Variants in RASA1 observed in about 807,000 individuals in gnomAD.
RASA1 encodes RAS p21 protein activator 1, also known as ras GTPase-activating protein 1.
A neutral mutation model predicts 132.2 loss-of-function variants in RASA1; 25 were observed. The observed-to-expected ratio is 0.19, with a 90% CI of 0.14 to 0.26. The LOEUF (loss-of-function observed/expected upper bound fraction) is 0.26, where lower values mean the gene tolerates loss of function less well. Ranked by LOEUF, RASA1 falls within the 10% of genes least tolerant of loss-of-function variation. The probability of loss-of-function intolerance (pLI) is 1.00; values close to 1 mark genes in which losing one functional copy is unlikely to be tolerated. For synonymous variants in RASA1, 477 were observed against 449.9 expected, an observed-to-expected ratio of 1.06 and a Z score of -0.76; for missense variants, 964 against 1,299.2, an observed-to-expected ratio of 0.74 and a Z score of 3.97.
chr5:87,366,332 A>G (rs1156395534), intron 11 of RASA1: 1 of 402,596 alleles, frequency 2.5e-6, no homozygotes, highest in Non-Finnish European at 5.1e-6. Flanking sequence ...CATTATTTTG[A>G]TATAGTTTAT....
chr5:87,290,813 T>C (rs1754881819), intron 1 of RASA1, among the ~76,000 whole-genome samples: 1 of 152,178 alleles, frequency 6.6e-6, no homozygotes, highest in South Asian at 2.1e-4. Context: ...CTTTCCATGG[T>C]TTGATAGCTA....
chr5:87,391,687 G>A lies in RASA1; in HGVS notation c.*804G>A. On this transcript the variant is annotated 3_prime_UTR_variant, in exon 25 of 25. Transcript: ENST00000274376. ...TTTATAGACTACCAATTTCTTTTATGTTAACTAGAATGCTTTTGTTAAAAG... is the reference window on the plus strand; with the variant it reads ...TTTATAGACTACCAATTTCTTTTATATTAACTAGAATGCTTTTGTTAAAAG... The A allele has an allele frequency of 4.3e-6, 1 of 232,714 alleles. No homozygotes were observed. The allele number at this position is 232,714 out of a possible 1,614,324, so 14.4% of individuals were successfully genotyped here.
chr5:87,319,877 A>G (rs978748356), intron 1 of RASA1, among the ~76,000 whole-genome samples: 1 of 152,206 alleles, frequency 6.6e-6, no homozygotes, highest in Admixed American at 6.5e-5. Context: ...CCAAACTTTT[A>G]TGTTCTGCTT....
chr5:87,320,091 A>G (rs1026498818), intron 1 of RASA1, among the ~76,000 whole-genome samples: 1 of 152,178 alleles, frequency 6.6e-6, no homozygotes, highest in African/African-American at 2.4e-5. Context: ...AAATCATAGC[A>G]AGAGTGACCG....
At chr5:87,372,622 A>G (rs900304381) in intron 13 of RASA1, among the ~76,000 whole-genome samples, 1 of 152,156 alleles carries the variant, frequency 6.6e-6, no homozygotes, top group African/African-American at 2.4e-5. Flanking sequence ...GAAATATTTA[A>G]TCTTATTTGA....
chr5:87,341,154 C>A, intron 5 of RASA1, 136 bp from the exon 6 acceptor site: 1 of 491,480 alleles, frequency 2.0e-6, no homozygotes, highest in Non-Finnish European at 3.2e-6. Flanking sequence ...ATTTACTGAA[C>A]AGAAACATCT....
chr5:87,306,804 TC>T (rs1755634053), intron 1 of RASA1, among the ~76,000 whole-genome samples: 1 of 152,156 alleles, frequency 6.6e-6, no homozygotes, highest in African/African-American at 2.4e-5. Context: ...TTGCTTTTGT[TC>T]TATTCTCTAT....
chr5:87,360,128 T>TG (rs1282616046), intron 9 of RASA1, among the ~76,000 whole-genome samples: 2 of 151,454 alleles, frequency 1.3e-5, no homozygotes, highest in Non-Finnish European at 2.9e-5. Flanking sequence ...AATGCAGTTT[T>TG]TTTTTTTTTT....
chr5:87,348,800 GCA>G (rs143360662), intron 7 of RASA1, among the ~76,000 whole-genome samples: 1,793 of 151,920 alleles, frequency 0.012, 27 homozygotes, highest in African/African-American at 0.041. Flanking sequence ...CATTGATTAA[GCA>G]CAGAGTATTC....
At position 87,287,650 on chromosome 5, in the gene RASA1, A is replaced by G. The variant is rs574732690; in HGVS notation, c.539+18660A>G. On this transcript the variant is annotated intron_variant, in intron 1 of 24. Transcript: ENST00000274376. Reference sequence around the variant, plus strand: ...TACACGCCATAGATATACCATATATATACACGCCATAGATATACACCATAT... The same window carrying G: ...TACACGCCATAGATATACCATATATGTACACGCCATAGATATACACCATAT... Among the ~76,000 whole-genome samples the G allele has an allele frequency of 8.7e-5, 13 of 148,752 alleles. No homozygotes were observed. In the East Asian group the frequency reaches 2.2e-3, roughly 25 times the overall value.
intron 9 of RASA1, among the ~76,000 whole-genome samples, chr5:87,356,787 C>T (rs1282355505): frequency 1.3e-5 from 2 of 152,186 alleles, no homozygotes; most frequent in East Asian, 1.9e-4. Context: ...TATACGTGCA[C>T]TGCGAAACCA....
chr5:87,366,833 ACCAG>A (rs762609475), intron 11 of RASA1, among the ~76,000 whole-genome samples: 27 of 152,138 alleles, frequency 1.8e-4, no homozygotes, highest in Non-Finnish European at 3.7e-4. Context: ...GGGGTTGGAG[ACCAG>A]CCTGGGCCTA....
rs113516676 is a variant in RASA1 at position 87,295,822 on chromosome 5, G to GTT, written c.539+26843_539+26844dup. Reference sequence around the variant, plus strand: ...CCACCACGCCTGTCCTCTAGTTTTGGTTTTTTTTTTTTGAGATGGAGTCTT... The same window carrying GTT: ...CCACCACGCCTGTCCTCTAGTTTTGGTTTTTTTTTTTTTTGAGATGGAGTCTT... On this transcript the variant is annotated intron_variant, in intron 1 of 24. Transcript: ENST00000274376. Among the ~76,000 whole-genome samples the GTT allele has an allele frequency of 1.4e-4, 20 of 141,660 alleles. 1 individual carries two copies. The highest frequency in any genetic ancestry group is 4.4e-4 in the African/African-American group (17 of 38,952). The allele number at this position is 141,660 out of a possible 152,430, so 92.9% of individuals were successfully genotyped here. A position where few individuals can be genotyped will look rare whatever the true frequency, so the allele number is the denominator to read the frequency against.
chr5:87,378,454 T>C lies in RASA1; in HGVS notation c.2403T>C (p.Tyr801=), dbSNP rs1378081081. Residue 801 remains tyrosine (Y), a synonymous_variant, in exon 18 of 25, where the codon TAT becomes TAC. Coordinates refer to ENST00000274376, the MANE Select transcript of RASA1 (RefSeq NM_002890.3). ...TTGCAAGCACCTTGATGGAGCAGTA[T>C]ATGAAAGCCACTGCTACACAGTTTG... ...TTLASTLMEQ[Y]MKATATQFVH... The C allele has an allele frequency of 1.2e-6, 2 of 1,612,088 alleles. No homozygotes were observed. The highest frequency in any genetic ancestry group is 1.7e-6 in the Non-Finnish European group (2 of 1,178,224).
intron 9 of RASA1, among the ~76,000 whole-genome samples, chr5:87,360,882 T>G (rs1760037122): frequency 6.6e-6 from 1 of 152,222 alleles, no homozygotes; most frequent in African/African-American, 2.4e-5. Flanking sequence ...TGGATCAGTT[T>G]TTTTCTCTTT....
chr5:87,355,403 G>C (rs1414327185), intron 9 of RASA1, among the ~76,000 whole-genome samples: 1 of 152,136 alleles, frequency 6.6e-6, no homozygotes, highest in East Asian at 1.9e-4. Flanking sequence ...TCTGTCAATG[G>C]AACTACAAAG....
chr5:87,322,665 G>A (rs1213771155), intron 1 of RASA1, among the ~76,000 whole-genome samples: 1 of 152,142 alleles, frequency 6.6e-6, no homozygotes, highest in East Asian at 1.9e-4. Flanking sequence ...CTATAGTCCT[G>A]CAGAACCATG....
chr5:87,326,681 C>A lies in RASA1; in HGVS notation c.540-4667C>A, dbSNP rs141483846. 2.7e-3 allele frequency among the ~76,000 whole-genome samples: 405 copies of A among 152,268 alleles called. 5 individuals are homozygous for A. Among genetic ancestry groups the A allele is most frequent in the East Asian group, 8.1e-3 (42 of 5,176 alleles). On this transcript the variant is annotated intron_variant, in intron 1 of 24. Transcript: ENST00000274376. Reference sequence around the variant, plus strand: ...ATACTATCCTTTATATTGCCCCCAACACCCAAAATATACACACATTGGGAA... The same window carrying A: ...ATACTATCCTTTATATTGCCCCCAAAACCCAAAATATACACACATTGGGAA...
intron 1 of RASA1, among the ~76,000 whole-genome samples, chr5:87,281,684 G>A (rs192540941): frequency 8.5e-5 from 13 of 152,060 alleles, no homozygotes; most frequent in African/African-American, 1.2e-4. Flanking sequence ...GGGTTTAAGC[G>A]ATCCTCCTGT....
Sources: gnomAD v4.1 joint callset for allele counts (sites outside exome capture counted in the v4.1 genomes callset) on GRCh38, gnomAD v4.1.1 for gene constraint, MANE v1.5 for transcripts, NCBI Gene and HGNC (gene_info 2026-07-23, HGNC 2026-07-21) for gene names.